Variants in WDR64 observed in about 807,000 individuals in gnomAD.
WDR64 encodes the protein WD repeat domain 64.
WDR64 carries 112 observed loss-of-function variants against 139.3 expected under a neutral mutation model. The observed-to-expected ratio is 0.80, with a 90% CI of 0.69 to 0.94. The LOEUF (loss-of-function observed/expected upper bound fraction) is 0.94, where lower values mean the gene tolerates loss of function less well. Ranked by LOEUF, WDR64 falls within the 40% of genes least tolerant of loss-of-function variation. The pLI is 0.00. For missense variants in WDR64, 1,206 were observed against 1,293.1 expected, an observed-to-expected ratio of 0.93 and a Z score of 1.03; for synonymous variants, 444 against 437.7, an observed-to-expected ratio of 1.01 and a Z score of -0.18.
intron 22 of WDR64, among the ~76,000 whole-genome samples, chr1:241,781,352 A>G (rs909736537): frequency 6.6e-6 from 1 of 152,228 alleles, no homozygotes; most frequent in African/African-American, 2.4e-5. Context: ...CTGTACTCAG[A>G]CAATGGAATC....
chr1:241,705,504 T>C (rs1057317101), intron 8 of WDR64, among the ~76,000 whole-genome samples: 2 of 150,300 alleles, frequency 1.3e-5, no homozygotes, highest in African/African-American at 2.4e-5. Context: ...ATCGCGCCAC[T>C]GCACTCCAGC....
intron 27 of WDR64, among the ~76,000 whole-genome samples, chr1:241,798,744 AG>A (rs1659436547): frequency 6.6e-6 from 1 of 152,210 alleles, no homozygotes; most frequent in Non-Finnish European, 1.5e-5. Flanking sequence ...TTTGAGTAAA[AG>A]GTTCAATAAC....
chr1:241,768,807 T>C (rs1375080412), intron 16 of WDR64, among the ~76,000 whole-genome samples: 1 of 152,166 alleles, frequency 6.6e-6, no homozygotes, highest in Non-Finnish European at 1.5e-5. Context: ...AAGTTCAGTG[T>C]TGACCTTGGA....
chr1:241,695,669 T>G (rs1259118693), intron 8 of WDR64, among the ~76,000 whole-genome samples: 1 of 152,192 alleles, frequency 6.6e-6, no homozygotes, highest in Non-Finnish European at 1.5e-5. Context: ...AGTGATTTCA[T>G]CAACGAGAAA....
intron 2 of WDR64, among the ~76,000 whole-genome samples, chr1:241,661,599 C>T (rs1665835218): frequency 6.6e-6 from 1 of 152,034 alleles, no homozygotes; most frequent in South Asian, 2.1e-4. Flanking sequence ...GACAAAATGT[C>T]AGGGAACTAT....
At chr1:241,692,788 C>T (rs1667349262) in intron 8 of WDR64, among the ~76,000 whole-genome samples, 1 of 152,046 alleles carries the variant, frequency 6.6e-6, no homozygotes, top group Non-Finnish European at 1.5e-5. Context: ...TACTAAGATA[C>T]ACAGATGGGA....
intron 1 of WDR64, among the ~76,000 whole-genome samples, chr1:241,658,702 C>A (rs1665706512): frequency 6.7e-6 from 1 of 149,442 alleles, no homozygotes. Flanking sequence ...AAGATGAATT[C>A]TACCAAAGAC....
In WDR64 at chr1:241,790,703, TAAAAAAAAAA is replaced by T; in HGVS notation, c.2997+16_2997+25del. The T allele has an allele frequency of 3.1e-6, 4 of 1,284,952 alleles. No homozygotes were observed. The highest frequency in any genetic ancestry group is 4.2e-6 in the Non-Finnish European group (4 of 944,530). The allele number at this position is 1,284,952 out of a possible 1,614,324, so 79.6% of individuals were successfully genotyped here. On this transcript the variant is annotated splice_region_variant and intron_variant, in intron 25 of 27. Coordinates refer to ENST00000437684, the MANE Select transcript of WDR64 (RefSeq NM_001367482.1). The stretch of plus-strand genomic sequence containing the variant: ...GTCTCTTTCTTCTCCTAAGGTAGCT[TAAAAAAAAAA>T]AAAAAAAAGAAATGGCAACAACAAC...
At chr1:241,738,715 G>A (rs976194919) in intron 11 of WDR64, among the ~76,000 whole-genome samples, 4 of 152,138 alleles carry the variant, frequency 2.6e-5, no homozygotes, top group African/African-American at 9.7e-5. Context: ...TACCAGGTTG[G>A]TTATTGCTTT....
intron 2 of WDR64, among the ~76,000 whole-genome samples, chr1:241,666,124 T>C (rs944229459): frequency 2.6e-5 from 4 of 152,106 alleles, no homozygotes; most frequent in Admixed American, 6.6e-5. Flanking sequence ...TTAAATAGCA[T>C]AGTTAAAATA....
intron 10 of WDR64, among the ~76,000 whole-genome samples, chr1:241,724,534 T>G (rs1668727516): frequency 2.0e-5 from 3 of 152,186 alleles, no homozygotes; most frequent in South Asian, 4.1e-4. Context: ...TCAATAAGTG[T>G]TGGGAAAACT....
chr1:241,732,317 C>T (rs1197714398), intron 10 of WDR64, among the ~76,000 whole-genome samples: 1 of 108,504 alleles, frequency 9.2e-6, no homozygotes, highest in East Asian at 3.7e-4. Flanking sequence ...ATCTATCTAT[C>T]TATCTATTTG....
rs1574097815 is a variant in WDR64, at chr1:241,788,007, A to C, written c.2864A>C (p.Glu955Ala). The change falls in exon 24 of 28, where the codon GAA becomes GCA. Residue 955 changes from glutamate (E) to alanine (A), a missense_variant. Glu to Ala is a moderately radical substitution (Grantham distance 107). Transcript: ENST00000437684. ...ESKFTEKQKY[E>A]YPLIFDREKW... Reference sequence around the variant, plus strand: ...AAGTTCACAGAGAAGCAAAAATATGAATATCCTCTGATATTTGACCGGGAA... The same window carrying C: ...AAGTTCACAGAGAAGCAAAAATATGCATATCCTCTGATATTTGACCGGGAA... The C allele has an allele frequency of 1.3e-6, 2 of 1,599,678 alleles. No homozygotes were observed. Among genetic ancestry groups the C allele is most frequent in the African/African-American group, 1.4e-5 (1 of 74,010 alleles).
At chr1:241,794,181 CA>C (rs34541036) in intron 25 of WDR64, among the ~76,000 whole-genome samples, 79,715 of 144,090 alleles carry the variant, frequency 0.55, 22,426 homozygotes, top group Middle Eastern at 0.7. Flanking sequence ...AACTCTGTCT[CA>C]AAAAAAAAAA....
intron 27 of WDR64, among the ~76,000 whole-genome samples, chr1:241,800,357 TC>T (rs1659485338): frequency 6.6e-6 from 1 of 152,162 alleles, no homozygotes; most frequent in African/African-American, 2.4e-5. Context: ...TCTTTCTTTA[TC>T]CCCATAATAG....
At chr1:241,798,350 G>A (rs1014849241) in intron 27 of WDR64, among the ~76,000 whole-genome samples, 31 of 152,186 alleles carry the variant, frequency 2.0e-4, no homozygotes, top group African/African-American at 7.5e-4. Context: ...AAATAGTTAA[G>A]TGTGGCCAGG....
chr1:241,749,415 A>T (rs1345966652), intron 13 of WDR64, 132 bp from the exon 14 acceptor site: 6 of 1,029,104 alleles, frequency 5.8e-6, no homozygotes, highest in Non-Finnish European at 8.5e-6. Context: ...AGACTCACCC[A>T]TCTGAGTAGG....
chr1:241,744,440 T>G lies in WDR64; in HGVS notation c.1518T>G (p.Pro506=). The change falls in exon 13 of 28, where the codon CCT becomes CCG. Residue 506 remains proline, a synonymous_variant. Transcript: ENST00000437684. The part of the protein sequence containing the change: ...TGLQVYQILE[P]HGFNTEVTSA... ...TCCAAGTATACCAGATTTTAGAACC[T>G]CATGGTTTCAATACTGAAGTGACTT... 1 of 1,614,132 alleles carries G rather than the reference T, an allele frequency of 6.2e-7. No individual in the cohort carries two copies. Among genetic ancestry groups the G allele is most frequent in the Non-Finnish European group, 8.5e-7 (1 of 1,180,002 alleles).
At chr1:241,674,551 C>T in intron 3 of WDR64, 93 bp from the exon 4 acceptor site, 1 of 725,718 alleles carries the variant, frequency 1.4e-6, no homozygotes, top group Non-Finnish European at 2.3e-6. Context: ...CACTTGTGCC[C>T]TGGCCATATC....
Sources: allele counts gnomAD v4.1 joint callset (sites outside exome capture counted in the v4.1 genomes callset), GRCh38; gene constraint gnomAD v4.1.1; transcripts MANE v1.5; gene names NCBI Gene and HGNC (gene_info 2026-07-23, HGNC 2026-07-21).